Variants in MBNL2 observed in about 807,000 individuals in gnomAD.
The protein encoded by MBNL2 is muscleblind like splicing regulator 2, also known as muscleblind-like protein 2.
In MBNL2, 17 loss-of-function variants were observed where a neutral mutation model predicts 41.9. That is an observed-to-expected ratio of 0.41 (90% CI 0.28 to 0.61). The LOEUF is 0.61. Ranked by LOEUF, MBNL2 falls within the 20% of genes least tolerant of loss-of-function variation. The pLI, the probability that MBNL2 is intolerant of heterozygous loss-of-function variation, is 0.35. For synonymous variants in MBNL2, 195 were observed against 182.9 expected (o/e 1.07, Z -0.53); for missense variants, 336 against 505.6 (o/e 0.66, Z 3.22).
chr13:97,183,400 T>C, the MBNL2 span, among the ~76,000 whole-genome samples: 1 of 152,228 alleles, frequency 6.6e-6, no homozygotes, highest in Non-Finnish European at 1.5e-5. Flanking sequence ...CGGTTTCCAG[T>C]GCACTCATAA....
At chr13:97,348,181 C>T (rs2062071389) in intron 5 of MBNL2, among the ~76,000 whole-genome samples, 1 of 150,450 alleles carries the variant, frequency 6.6e-6, no homozygotes, top group South Asian at 2.1e-4. Context: ...CTCAAGTGAT[C>T]CTCCCACCTC....
At chr13:97,168,132 A>C in the MBNL2 span, among the ~76,000 whole-genome samples, 3 of 152,068 alleles carry the variant, frequency 2.0e-5, no homozygotes, top group Admixed American at 2.0e-4. Context: ...TGCCCAGCTA[A>C]TTTTGTATTT....
intron 2 of MBNL2, among the ~76,000 whole-genome samples, chr13:97,295,744 T>C (rs2056913669): frequency 6.6e-6 from 1 of 152,144 alleles, no homozygotes; most frequent in African/African-American, 2.4e-5. Flanking sequence ...CATAAAACTG[T>C]TAACATACAT....
chr13:97,202,073 ATGGT>A, the MBNL2 span, among the ~76,000 whole-genome samples: 1 of 152,228 alleles, frequency 6.6e-6, no homozygotes, highest in Admixed American at 6.5e-5. Flanking sequence ...AGATGTGATA[ATGGT>A]ATTGTGGTTA....
At chr13:97,233,162 TATATATATATATATC>T (rs2042679266) in intron 1 of MBNL2, among the ~76,000 whole-genome samples, 1 of 108,758 alleles carries the variant, frequency 9.2e-6, no homozygotes, top group Admixed American at 8.8e-5. Context: ...TATATATATA[TATATATATATATATC>T]TTTTTATTAT....
chr13:97,308,645 C>G (rs1409244778), intron 2 of MBNL2, among the ~76,000 whole-genome samples: 3 of 152,184 alleles, frequency 2.0e-5, no homozygotes, highest in African/African-American at 7.2e-5. Flanking sequence ...GGCCTGCCCA[C>G]TATTATGACA....
chr13:97,374,651 A>G (rs2064793534), intron 8 of MBNL2, among the ~76,000 whole-genome samples: 1 of 152,110 alleles, frequency 6.6e-6, no homozygotes, highest in Non-Finnish European at 1.5e-5. Flanking sequence ...TCGGCCTCCC[A>G]AAGTGCTGGG....
Position 97,357,647 on chromosome 13 carries a change from T to TA in MBNL2, c.1012+13dup. On this transcript the variant is annotated intron_variant, in intron 7 of 8. Coordinates refer to ENST00000679496, the MANE Select transcript of MBNL2 (RefSeq NM_001382683.1). ...GTTCATTCCAACAGGTATGTGCCCT[T>TA]ACTGCCCTACGTCCTGTGCCCTTCT... 6.2e-7 allele frequency: 1 copy of TA among 1,613,092 alleles called. No individual in the cohort carries two copies. Among genetic ancestry groups the TA allele is most frequent in the Non-Finnish European group, 8.5e-7 (1 of 1,179,538 alleles).
At chr13:97,199,089 G>A in the MBNL2 span, among the ~76,000 whole-genome samples, 29 of 152,022 alleles carry the variant, frequency 1.9e-4, no homozygotes, top group Non-Finnish European at 4.0e-4. Context: ...TTTCTCCTTG[G>A]CCAAGAGTGC....
intron 2 of MBNL2, among the ~76,000 whole-genome samples, chr13:97,289,528 A>G (rs1594159823): frequency 1.3e-5 from 2 of 152,336 alleles, no homozygotes; most frequent in South Asian, 2.1e-4. Flanking sequence ...AAAATTCTTA[A>G]TGAAGAATTC....
At chr13:97,319,317 AT>A (rs1398786480) in intron 2 of MBNL2, among the ~76,000 whole-genome samples, 1 of 152,100 alleles carries the variant, frequency 6.6e-6, no homozygotes, top group Non-Finnish European at 1.5e-5. Context: ...TCACTTGAGG[AT>A]TGATTCTGGG....
intron 2 of MBNL2, among the ~76,000 whole-genome samples, chr13:97,290,318 G>T (rs2055578602): frequency 6.6e-6 from 1 of 150,712 alleles, no homozygotes; most frequent in East Asian, 1.9e-4. Flanking sequence ...TTAGAAAGGA[G>T]ACAAATTTCT....
chr13:97,365,663 C>T (rs185713659), intron 8 of MBNL2, among the ~76,000 whole-genome samples: 2 of 152,264 alleles, frequency 1.3e-5, no homozygotes, highest in Admixed American at 1.3e-4. Flanking sequence ...ATTATCTTTT[C>T]TAATTTTAAG....
intron 1 of MBNL2, among the ~76,000 whole-genome samples, chr13:97,236,928 T>G (rs2043386630): frequency 6.7e-6 from 1 of 150,136 alleles, no homozygotes; most frequent in Admixed American, 6.6e-5. Context: ...CTTAAGAGAC[T>G]TTTTTTTTTC....
At chr13:97,223,539 G>A (rs1449139609) in intron 1 of MBNL2, among the ~76,000 whole-genome samples, 2 of 152,166 alleles carry the variant, frequency 1.3e-5, no homozygotes, top group African/African-American at 2.4e-5. Context: ...AGCAAGCACT[G>A]AAGCGAAGAA....
the MBNL2 span, among the ~76,000 whole-genome samples, chr13:97,198,976 C>A: frequency 6.6e-6 from 1 of 152,152 alleles, no homozygotes; most frequent in African/African-American, 2.4e-5. Context: ...CCTCCAGTGG[C>A]GTCCCATGTG....
intron 2 of MBNL2, among the ~76,000 whole-genome samples, chr13:97,302,954 T>G (rs2057774451): frequency 6.6e-6 from 1 of 152,198 alleles, no homozygotes; most frequent in Non-Finnish European, 1.5e-5. Context: ...TTCTCCATTT[T>G]GTGGTTGAGG....
chr13:97,284,443 G>A (rs924849840), intron 2 of MBNL2, among the ~76,000 whole-genome samples: 1 of 152,128 alleles, frequency 6.6e-6, no homozygotes, highest in Admixed American at 6.5e-5. Flanking sequence ...TCTTCCTGGT[G>A]TTTGAGTCTG....
intron 1 of MBNL2, among the ~76,000 whole-genome samples, chr13:97,238,160 G>T (rs760216322): frequency 6.6e-6 from 1 of 152,218 alleles, no homozygotes; most frequent in East Asian, 1.9e-4. Context: ...CTTCTGTAGC[G>T]TGTGGAGCCC....
Sources: allele counts gnomAD v4.1 joint callset (sites outside exome capture counted in the v4.1 genomes callset), GRCh38; gene constraint gnomAD v4.1.1; transcripts MANE v1.5; gene names NCBI Gene and HGNC (gene_info 2026-07-23, HGNC 2026-07-21).